The following JPH1 variants were observed in gnomAD, a reference collection of about 807,000 sequenced individuals.
The protein encoded by JPH1 is junctophilin-1.
JPH1 carries 12 observed loss-of-function variants against 53.6 expected under a neutral mutation model. The observed-to-expected ratio is 0.22, with a 90% CI of 0.14 to 0.36. The LOEUF (loss-of-function observed/expected upper bound fraction) is 0.36. Ranked by LOEUF, JPH1 falls within the 10% of genes least tolerant of loss-of-function variation. JPH1 has a pLI of 1.00. For synonymous variants in JPH1, 375 were observed against 363.8 expected (o/e 1.03, Z -0.35); for missense variants, 808 against 905.5 (o/e 0.89, Z 1.38).
chr8:74,258,145 C>A (rs1464298153), intron 3 of JPH1, among the ~76,000 whole-genome samples: 1 of 152,178 alleles, frequency 6.6e-6, no homozygotes, highest in Non-Finnish European at 1.5e-5. Context: ...AAACATGAAT[C>A]GAACACCTAC....
intron 2 of JPH1, among the ~76,000 whole-genome samples, chr8:74,292,366 C>T (rs951712230): frequency 1.3e-4 from 20 of 152,116 alleles, no homozygotes; most frequent in Admixed American, 6.6e-4. Flanking sequence ...CTCAAGGAAG[C>T]GACATCAAAC....
Position 74,278,991 on chromosome 8 carries a change from A to G in JPH1, c.1140-19488T>C, listed in dbSNP as rs71527248. Among the ~76,000 whole-genome samples, 507 of 64,080 alleles carry G rather than the reference A, an allele frequency of 7.9e-3. 1 individual carries two copies. Among genetic ancestry groups the G allele is most frequent in the Non-Finnish European group, 0.011 (337 of 31,420 alleles). 42.0% of individuals were successfully genotyped at this position (64,080 alleles called of 152,430 possible). A position where few individuals can be genotyped will look rare whatever the true frequency, so the allele number is the denominator to read the frequency against. ...CAGAAACACACACGCACACGCGCGC[A>G]CACACACACACACACGCATACACAC... On this transcript the variant is annotated intron_variant, in intron 2 of 5. Coordinates refer to ENST00000342232, the MANE Select transcript of JPH1 (RefSeq NM_020647.4).
Position 74,305,692 on chromosome 8 carries a change from G to T in JPH1, c.1139+9169C>A, listed in dbSNP as rs1586771282. Among the ~76,000 whole-genome samples, 3 of 152,246 alleles carry T rather than the reference G, an allele frequency of 2.0e-5. No homozygotes were observed. In the Middle Eastern group the frequency reaches 0.01, roughly 518 times the overall value. ...AGTCTTCAGTGCCAGCTTTTACTAAGTAGATCTCTGCAGAACTGAATGTTG... is the reference window on the plus strand; with the variant it reads ...AGTCTTCAGTGCCAGCTTTTACTAATTAGATCTCTGCAGAACTGAATGTTG... On this transcript the variant is annotated intron_variant, in intron 2 of 5. Coordinates refer to ENST00000342232, the MANE Select transcript of JPH1 (RefSeq NM_020647.4).
At chr8:74,293,819 C>A (rs1228306752) in intron 2 of JPH1, among the ~76,000 whole-genome samples, 2 of 152,172 alleles carry the variant, frequency 1.3e-5, no homozygotes, top group Non-Finnish European at 2.9e-5. Context: ...CTATGCCAGG[C>A]TTGGACCACT....
chr8:74,279,171 C>T (rs1022273881), intron 2 of JPH1, among the ~76,000 whole-genome samples: 1 of 152,190 alleles, frequency 6.6e-6, no homozygotes, highest in African/African-American at 2.4e-5. Context: ...GGTCCCAAGG[C>T]TCTACCATTC....
rs79251816 is a variant in JPH1, at chr8:74,246,391, T to A, written c.1259-1216A>T. On this transcript the variant is annotated intron_variant, in intron 3 of 5. Transcript: ENST00000342232. ...CTCACTAAAAGATTTACAGAGGGAC[T>A]GAACAGCAATTATCCTTAATTGTGA... 2.8e-3 allele frequency among the ~76,000 whole-genome samples: 428 copies of A among 152,356 alleles called. 1 individual carries two copies. Among genetic ancestry groups the A allele is most frequent in the African/African-American group, 9.6e-3 (400 of 41,574 alleles).
chr8:74,259,370 G>A lies in JPH1; in HGVS notation c.1258+15C>T. The A allele has an allele frequency of 6.3e-7, 1 of 1,595,188 alleles. No individual in the cohort carries two copies. Among genetic ancestry groups the A allele is most frequent in the Non-Finnish European group, 8.6e-7 (1 of 1,163,798 alleles). ...CAGTGCTCCTGCCTCACCCATCAAA[G>A]GAGCACTGTTTTACCTGGTTGGTAG... On this transcript the variant is annotated intron_variant, in intron 3 of 5. Transcript: ENST00000342232.
chr8:74,236,098 C>T lies in JPH1; in HGVS notation c.*953G>A, dbSNP rs1271271296. ...TATTTCTTAGAATTCTGTTGTGTTT[C>T]AGCTTTTAAAATTTAGCACTTCCTA... On this transcript the variant is annotated 3_prime_UTR_variant, in exon 6 of 6. Coordinates refer to ENST00000342232, the MANE Select transcript of JPH1 (RefSeq NM_020647.4). The T allele has an allele frequency of 6.6e-6, 1 of 152,172 alleles. No homozygotes were observed. The highest frequency in any genetic ancestry group is 2.4e-5 in the African/African-American group (1 of 41,434). The allele number at this position is 152,172 out of a possible 1,614,324, so 9.4% of individuals were successfully genotyped here.
intron 2 of JPH1, among the ~76,000 whole-genome samples, chr8:74,266,476 C>T (rs1043824490): frequency 2.0e-5 from 3 of 152,162 alleles, no homozygotes; most frequent in Admixed American, 2.0e-4. Context: ...ATATTACACG[C>T]GGTACCTAGA....
intron 2 of JPH1, among the ~76,000 whole-genome samples, chr8:74,309,910 A>G (rs1235755768): frequency 6.6e-6 from 1 of 152,150 alleles, no homozygotes; most frequent in Non-Finnish European, 1.5e-5. Context: ...CTACCAAAAC[A>G]GATTCTGCTT....
At chr8:74,278,986 C>CGT (rs1806931601) in intron 2 of JPH1, among the ~76,000 whole-genome samples, 1 of 82,186 alleles carries the variant, frequency 1.2e-5, no homozygotes, top group African/African-American at 3.8e-5. Flanking sequence ...CACGCACACG[C>CGT]GCGCACACAC....
In JPH1 at chr8:74,285,779, A is replaced by G. The variant is rs182529296; in HGVS notation, c.1140-26276T>C. On this transcript the variant is annotated intron_variant, in intron 2 of 5. Coordinates refer to ENST00000342232, the MANE Select transcript of JPH1 (RefSeq NM_020647.4). ...GAATTCTAAAACATATCTGGACCCA[A>G]AAAGTTTTGGATAGCAATTATGGAC... Among the ~76,000 whole-genome samples the G allele has an allele frequency of 2.8e-3, 423 of 152,320 alleles. 1 individual carries two copies. Among genetic ancestry groups the G allele is most frequent in the Non-Finnish European group, 4.8e-3 (327 of 68,024 alleles).
intron 1 of JPH1, among the ~76,000 whole-genome samples, chr8:74,318,023 C>T (rs1160904799): frequency 6.6e-6 from 1 of 152,164 alleles, no homozygotes. Flanking sequence ...AATTCCTCCA[C>T]AGAATTGCTA....
chr8:74,291,699 T>C (rs1019007495), intron 2 of JPH1, among the ~76,000 whole-genome samples: 5 of 152,340 alleles, frequency 3.3e-5, no homozygotes, highest in Non-Finnish European at 7.4e-5. Context: ...GTGGTACTAT[T>C]GACAATAGCA....
At chr8:74,319,656 C>A (rs562366914) in intron 1 of JPH1, among the ~76,000 whole-genome samples, 1 of 152,272 alleles carries the variant, frequency 6.6e-6, no homozygotes, top group East Asian at 1.9e-4. Flanking sequence ...GTGAAGTGTA[C>A]AAATTGTGTA....
intron 1 of JPH1, among the ~76,000 whole-genome samples, chr8:74,317,349 T>C (rs1808193599): frequency 6.6e-6 from 1 of 152,224 alleles, no homozygotes; most frequent in African/African-American, 2.4e-5. Flanking sequence ...AGTCTTAACT[T>C]GACATCTATG....
At position 74,259,448 on chromosome 8, in the gene JPH1, G is replaced by T. The variant is rs766327331; in HGVS notation, c.1195C>A (p.Arg399Ser). The change falls in exon 3 of 6, where the codon CGC (arginine) becomes AGC (serine). Residue 399 changes from arginine (R) to serine (S), a missense_variant. Coordinates refer to ENST00000342232, the MANE Select transcript of JPH1 (RefSeq NM_020647.4). ...GCTCTCGCGATGTCGCACTCCTGGC[G>T]AGCGGCCAGCGCGGCCTGGTCGGCG... ...DAADQAALAA[R>S]QECDIARAVA... The T allele has an allele frequency of 6.2e-7, 1 of 1,613,458 alleles. No individual in the cohort carries two copies. Among genetic ancestry groups the T allele is most frequent in the Non-Finnish European group, 8.5e-7 (1 of 1,179,772 alleles).
intron 2 of JPH1, among the ~76,000 whole-genome samples, chr8:74,290,857 C>T (rs1807304181): frequency 6.6e-6 from 1 of 152,056 alleles, no homozygotes; most frequent in African/African-American, 2.4e-5. Flanking sequence ...CTTTGACAAA[C>T]CTGACAAAAA....
intron 2 of JPH1, among the ~76,000 whole-genome samples, chr8:74,260,463 G>C (rs986886524): frequency 2.0e-5 from 3 of 152,198 alleles, no homozygotes; most frequent in African/African-American, 7.2e-5. Flanking sequence ...TTAGTCTTTA[G>C]ATGTTTATGG....
Sources: allele counts gnomAD v4.1 joint callset (sites outside exome capture counted in the v4.1 genomes callset), GRCh38; gene constraint gnomAD v4.1.1; transcripts MANE v1.5; gene names NCBI Gene and HGNC (gene_info 2026-07-23, HGNC 2026-07-21).